Variants in MYOM1 observed in about 807,000 individuals in gnomAD.
MYOM1 encodes the protein myomesin-1.
Under a neutral mutation model 205.3 loss-of-function variants are expected in MYOM1, and 164 were observed. That is an observed-to-expected ratio of 0.80 (90% CI 0.70 to 0.91). MYOM1 has a LOEUF of 0.91. Among genes scored for constraint, MYOM1 ranks in the 40% least tolerant of loss-of-function variants. The pLI, the probability that MYOM1 is intolerant of heterozygous loss-of-function variation, is 0.00. For synonymous variants in MYOM1, 772 were observed against 789.4 expected (o/e 0.98, Z 0.37); for missense variants, 2,011 against 2,127.3 (o/e 0.95, Z 1.08).
At chr18:3,133,364 C>T (rs765697575) in intron 16 of MYOM1, among the ~76,000 whole-genome samples, 5 of 152,160 alleles carry the variant, frequency 3.3e-5, no homozygotes, top group African/African-American at 4.8e-5. Context: ...CAGCATCCCC[C>T]TCTCATACTG....
intron 36 of MYOM1, among the ~76,000 whole-genome samples, chr18:3,072,349 G>GATTTTTTTT (rs1428461658): frequency 1.7e-5 from 1 of 60,152 alleles, no homozygotes; most frequent in African/African-American, 1.3e-4. Context: ...ACCGCACCCG[G>GATTTTTTTT]CTTTTTTTTT....
Position 3,155,080 on chromosome 18 carries a change from C to T in MYOM1, c.1510G>A (p.Ala504Thr). The T allele has an allele frequency of 6.2e-7, 1 of 1,611,736 alleles. No homozygotes were observed. The highest frequency in any genetic ancestry group is 8.5e-7 in the Non-Finnish European group (1 of 1,178,830). Residue 504 changes from alanine to threonine, a missense_variant, in exon 11 of 38, where the codon GCA becomes ACA. Coordinates refer to ENST00000356443, the MANE Select transcript of MYOM1 (RefSeq NM_003803.4). ...SAYVFVRDAD[A>T]EIEGAPAAPL... ...GCAGCTGGGGCTCCTTCAATCTCTG[C>T]ATCAGCATCTGTGGAGACAGAGAAG...
At chr18:3,083,411 T>TTTC (rs147104460) in intron 33 of MYOM1, among the ~76,000 whole-genome samples, 1 of 94,076 alleles carries the variant, frequency 1.1e-5, no homozygotes, top group African/African-American at 4.1e-5. Context: ...TTCTTTTCTT[T>TTTC]TTTCTTTTTC....
At chr18:3,099,667 G>A (rs1054793125) in intron 25 of MYOM1, among the ~76,000 whole-genome samples, 3 of 152,106 alleles carry the variant, frequency 2.0e-5, no homozygotes, top group African/African-American at 4.8e-5. Flanking sequence ...TTGTTCAGAG[G>A]GATTCTTTTT....
chr18:3,241,336 G>A, the MYOM1 span, among the ~76,000 whole-genome samples: 1 of 152,174 alleles, frequency 6.6e-6, no homozygotes, highest in African/African-American at 2.4e-5. Context: ...AGGCAGCCTA[G>A]GGACTTGGTG....
chr18:3,178,134 C>G (rs2080675851), intron 5 of MYOM1, among the ~76,000 whole-genome samples: 1 of 152,202 alleles, frequency 6.6e-6, no homozygotes, highest in African/African-American at 2.4e-5. Context: ...CACTTGTTTC[C>G]CTTTCAGACA....
intron 34 of MYOM1, among the ~76,000 whole-genome samples, chr18:3,078,973 CT>C (rs11408756): frequency 6.9e-4 from 73 of 105,892 alleles, no homozygotes; most frequent in Middle Eastern, 5.4e-3. Flanking sequence ...TACCCAGCTA[CT>C]TTTTTTTTTT....
chr18:3,117,979 G>C (rs1348732310), intron 20 of MYOM1, among the ~76,000 whole-genome samples: 1 of 152,114 alleles, frequency 6.6e-6, no homozygotes, highest in African/African-American at 2.4e-5. Context: ...GAGAACCCAG[G>C]GAGGCATCTA....
At position 3,164,296 on chromosome 18, in the gene MYOM1, C is replaced by A. The variant is rs754473758; in HGVS notation, c.1483G>T (p.Ala495Ser). ...GACTTACCTCGAACAAAGACATAAG[C>A]ACTATATTGTTCATAATATTCTCCC... ...RMGEYYEQYS[A>S]YVFVRDADAE... Residue 495 changes from alanine to serine, a missense_variant, in exon 10 of 38, where the codon GCT becomes TCT. Coordinates refer to ENST00000356443, the MANE Select transcript of MYOM1 (RefSeq NM_003803.4). 6.2e-7 allele frequency: 1 copy of A among 1,612,974 alleles called. No individual in the cohort carries two copies. The highest frequency in any genetic ancestry group is 1.7e-5 in the Admixed American group (1 of 59,922).
chr18:3,186,784 G>A (rs1379497189), intron 5 of MYOM1, among the ~76,000 whole-genome samples: 3 of 120,528 alleles, frequency 2.5e-5, no homozygotes, highest in African/African-American at 3.8e-5. Context: ...GAAGGAAGGA[G>A]AGAGAGAAAG....
At chr18:3,194,151 A>G (rs1332166414) in intron 2 of MYOM1, among the ~76,000 whole-genome samples, 193 bp from the exon 3 acceptor site, 1 of 152,256 alleles carries the variant, frequency 6.6e-6, no homozygotes, top group Non-Finnish European at 1.5e-5. Context: ...TAGACAGAAA[A>G]GAAAAATAGT....
chr18:3,118,158 A>T (rs1433508121), intron 20 of MYOM1, among the ~76,000 whole-genome samples: 1 of 152,182 alleles, frequency 6.6e-6, no homozygotes, highest in Non-Finnish European at 1.5e-5. Flanking sequence ...TTTCATCTGT[A>T]AAACAGGATG....
At chr18:3,185,237 C>T (rs749774284) in intron 5 of MYOM1, among the ~76,000 whole-genome samples, 3 of 152,090 alleles carry the variant, frequency 2.0e-5, no homozygotes, top group African/African-American at 7.2e-5. Flanking sequence ...GGTATGTGGC[C>T]GGGTTTTTAT....
At chr18:3,086,211 A>G (rs2079152172) in intron 29 of MYOM1, 60 bp from the exon 30 acceptor site, 2 of 946,828 alleles carry the variant, frequency 2.1e-6, no homozygotes, top group Non-Finnish European at 3.1e-6. Flanking sequence ...TGTGAAGTTG[A>G]ATAGTTCTTA....
chr18:3,144,326 A>G (rs1567931576), intron 13 of MYOM1, among the ~76,000 whole-genome samples: 1 of 152,180 alleles, frequency 6.6e-6, no homozygotes, highest in Non-Finnish European at 1.5e-5. Flanking sequence ...ACTAAAAAGC[A>G]AAATAAAAAA....
rs908242336 is a variant in MYOM1 at position 3,167,541 on chromosome 18, G to A, written c.1339+1276C>T. On this transcript the variant is annotated intron_variant, in intron 9 of 37. Transcript: ENST00000356443. Reference sequence around the variant, plus strand: ...TGGGACTACAGGTGTGCGCCACCACGCCCGGCTAATTTTTGTATTTTTTGG... The same window carrying A: ...TGGGACTACAGGTGTGCGCCACCACACCCGGCTAATTTTTGTATTTTTTGG... Among the ~76,000 whole-genome samples, 6 of 152,178 alleles carry A rather than the reference G, an allele frequency of 3.9e-5. No individual in the cohort carries two copies. The East Asian group carries it at 5.8e-4, about 15-fold the overall frequency.
chr18:3,215,058 G>A lies in MYOM1; in HGVS notation c.166C>T (p.Arg56Trp), dbSNP rs778755647. The A allele has an allele frequency of 1.9e-6, 3 of 1,613,394 alleles. No homozygotes were observed. The highest frequency in any genetic ancestry group is 1.1e-5 in the South Asian group (1 of 91,048). Reference protein sequence around the residue: ...YSSRSSAAHRRESEAFRRASA... With the variant: ...YSSRSSAAHRWESEAFRRASA... ...GCCCGACGGAAGGCCTCGGACTCCC[G>A]GCGGTGCGCGGCGGAGGAGCGGCTG... Residue 56 changes from arginine to tryptophan, a missense_variant, in exon 2 of 38, where the codon CGG (arginine) becomes TGG (tryptophan). Transcript: ENST00000356443.
At chr18:3,234,606 CCA>C in the MYOM1 span, among the ~76,000 whole-genome samples, 1 of 152,110 alleles carries the variant, frequency 6.6e-6, no homozygotes, top group African/African-American at 2.4e-5. Flanking sequence ...CACACCCAGC[CCA>C]CACACAGTGA....
At chr18:3,167,540 C>G (rs190430876) in intron 9 of MYOM1, among the ~76,000 whole-genome samples, 1 of 152,106 alleles carries the variant, frequency 6.6e-6, no homozygotes. Context: ...TGCGCCACCA[C>G]GCCCGGCTAA....
Sources: allele counts gnomAD v4.1 joint callset (sites outside exome capture counted in the v4.1 genomes callset), GRCh38; gene constraint gnomAD v4.1.1; transcripts MANE v1.5; gene names NCBI Gene and HGNC (gene_info 2026-07-23, HGNC 2026-07-21).